Variants in LMTK2 observed in about 807,000 individuals in gnomAD.
The protein encoded by LMTK2 is serine/threonine-protein kinase LMTK2.
In LMTK2, 37 loss-of-function variants were observed where a neutral mutation model predicts 127.5. That is an observed-to-expected ratio of 0.29 (90% confidence interval 0.22 to 0.38). The LOEUF is 0.38. LMTK2 is among the 10% of genes least tolerant of loss of function. The probability of loss-of-function intolerance (pLI) is 1.00; values close to 1 mark genes in which losing one functional copy is unlikely to be tolerated. For missense variants in LMTK2, 1,694 were observed against 1,920.3 expected (o/e 0.88, Z 2.20); for synonymous variants, 819 against 810.1 (o/e 1.01, Z -0.19).
chr7:98,131,526 ATTAGAT>A (rs993669853), intron 1 of LMTK2, among the ~76,000 whole-genome samples: 5 of 151,782 alleles, frequency 3.3e-5, no homozygotes, highest in Admixed American at 3.3e-4. Context: ...TAGGTGGTTG[ATTAGAT>A]TCAGGTTTGA....
At chr7:98,151,256 A>C (rs1796849341) in intron 3 of LMTK2, 126 bp from the exon 4 acceptor site, 1 of 560,320 alleles carries the variant, frequency 1.8e-6, no homozygotes, top group Non-Finnish European at 3.0e-6. Flanking sequence ...CGTTTAAAAG[A>C]GGTGTTTTAT....
chr7:98,132,191 G>C (rs1357608336), intron 1 of LMTK2, among the ~76,000 whole-genome samples: 1 of 152,160 alleles, frequency 6.6e-6, no homozygotes, highest in East Asian at 1.9e-4. Context: ...AGCTCATGAT[G>C]ATACCACAAA....
intron 2 of LMTK2, 90 bp from the exon 3 acceptor site, chr7:98,141,307 T>C: frequency 8.0e-7 from 1 of 1,248,328 alleles, no homozygotes; most frequent in Non-Finnish European, 1.1e-6. Context: ...AAAAAATAAT[T>C]GTGGCAGCAA....
chr7:98,202,266 G>A (rs117053315), intron 11 of LMTK2, among the ~76,000 whole-genome samples: 1,839 of 152,222 alleles, frequency 0.012, 17 homozygotes, highest in Admixed American at 0.02. Context: ...TCTTTTCTGA[G>A]TTTTGCTTTT....
chr7:98,109,762 AAG>A (rs1206933273), intron 1 of LMTK2, among the ~76,000 whole-genome samples: 7 of 151,526 alleles, frequency 4.6e-5, no homozygotes, highest in Admixed American at 3.9e-4. Context: ...AAAAAAAAAA[AAG>A]AAAGGAAGAT....
At chr7:98,183,009 C>T (rs1023194837) in intron 7 of LMTK2, among the ~76,000 whole-genome samples, 10 of 152,148 alleles carry the variant, frequency 6.6e-5, no homozygotes, top group East Asian at 1.9e-4. Flanking sequence ...AGAGATCTTA[C>T]GACTTTTTGT....
At chr7:98,163,362 C>T (rs1384849570) in intron 6 of LMTK2, among the ~76,000 whole-genome samples, 1 of 152,116 alleles carries the variant, frequency 6.6e-6, no homozygotes, top group East Asian at 1.9e-4. Context: ...TCAGGTGCTA[C>T]CTATGTTCGG....
At position 98,207,614 on chromosome 7, in the gene LMTK2, C is replaced by G. The variant is rs1797827946; in HGVS notation, c.*2122C>G. On this transcript the variant is annotated 3_prime_UTR_variant, in exon 14 of 14. Coordinates refer to ENST00000297293, the MANE Select transcript of LMTK2 (RefSeq NM_014916.4). ...TCCTGAGTTTTCTCAGTTTTTACATCTAAGATTAGTCTTGGCTGAAGAGAA... is the reference window on the plus strand; with the variant it reads ...TCCTGAGTTTTCTCAGTTTTTACATGTAAGATTAGTCTTGGCTGAAGAGAA... 1 of 151,770 alleles carries G rather than the reference C, an allele frequency of 6.6e-6. No homozygotes were observed. The highest frequency in any genetic ancestry group is 2.4e-5 in the African/African-American group (1 of 41,288). 9.4% of individuals were successfully genotyped at this position (151,770 alleles called of 1,614,324 possible).
At chr7:98,183,617 T>C (rs1797386173) in intron 7 of LMTK2, among the ~76,000 whole-genome samples, 1 of 152,176 alleles carries the variant, frequency 6.6e-6, no homozygotes. Flanking sequence ...CTTGAACTTA[T>C]GACCTCATGT....
intron 1 of LMTK2, among the ~76,000 whole-genome samples, chr7:98,114,163 G>A (rs950238559): frequency 1.5e-4 from 23 of 151,930 alleles, no homozygotes; most frequent in Admixed American, 1.5e-3. Flanking sequence ...GGAGGGGGTG[G>A]TGGTGGTAAA....
At chr7:98,169,118 A>G (rs983267068) in intron 6 of LMTK2, among the ~76,000 whole-genome samples, 14 of 152,292 alleles carry the variant, frequency 9.2e-5, no homozygotes, top group South Asian at 4.1e-4. Context: ...GGAGAGCTCT[A>G]TGGACCTTTC....
In LMTK2 at chr7:98,106,863, T is replaced by C. The variant is rs1158914145; in HGVS notation, c.-315T>C. 1 of 432,612 alleles carries C rather than the reference T, an allele frequency of 2.3e-6. No individual in the cohort carries two copies. Among genetic ancestry groups the C allele is most frequent in the Non-Finnish European group, 4.1e-6 (1 of 244,636 alleles). 26.8% of individuals were successfully genotyped at this position (432,612 alleles called of 1,614,324 possible). On this transcript the variant is annotated 5_prime_UTR_variant, in exon 1 of 14. Transcript: ENST00000297293. ...CACGACATCCCGCCCCCGCGCTACG[T>C]CACATGACGCAGCCCATCATGGCGG...
intron 6 of LMTK2, among the ~76,000 whole-genome samples, chr7:98,160,460 CATCTT>C (rs1469349778): frequency 6.6e-6 from 1 of 152,214 alleles, no homozygotes; most frequent in Admixed American, 6.5e-5. Context: ...AGTTCTCACT[CATCTT>C]AGGTGTTGGC....
chr7:98,118,725 A>G (rs112777253), intron 1 of LMTK2, among the ~76,000 whole-genome samples: 36 of 152,248 alleles, frequency 2.4e-4, no homozygotes, highest in African/African-American at 8.7e-4. Flanking sequence ...GCAGCTGAAA[A>G]TGCTTCAGGA....
chr7:98,191,715 A>G lies in LMTK2; in HGVS notation c.1250A>G (p.Asp417Gly). ...LTYLRLQSQR[D>G]SEVDFEQQWN... is the part of the protein sequence containing the mutation. ...TACCTGCGGCTGCAGAGCCAGCGGG[A>G]CTCAGAGGTCGACTTTGAACAGCAG... The change falls in exon 11 of 14, where the codon GAC becomes GGC. Residue 417 changes from aspartate to glycine, a missense_variant. Physicochemically the swap from Asp to Gly is moderately conservative, Grantham distance 94. This residue lies in a region of LMTK2 where 216 missense variants were observed against 266.8 expected (regional missense o/e 0.81). Transcript: ENST00000297293. 1 of 1,614,168 alleles carries G rather than the reference A, an allele frequency of 6.2e-7. No homozygotes were observed. The highest frequency in any genetic ancestry group is 8.5e-7 in the Non-Finnish European group (1 of 1,180,024).
intron 3 of LMTK2, among the ~76,000 whole-genome samples, chr7:98,150,233 G>A (rs192400260): frequency 1.7e-4 from 26 of 151,710 alleles, no homozygotes; most frequent in African/African-American, 4.1e-4. Flanking sequence ...ACTTGAACCC[G>A]GGAGGCGTAG....
intron 1 of LMTK2, among the ~76,000 whole-genome samples, chr7:98,133,368 C>T (rs746878650): frequency 3.3e-5 from 5 of 151,974 alleles, no homozygotes; most frequent in South Asian, 2.1e-4. Flanking sequence ...AGTTTGACCA[C>T]GGCGGTATAG....
At chr7:98,122,792 TACA>T (rs1796384458) in intron 1 of LMTK2, among the ~76,000 whole-genome samples, 1 of 150,780 alleles carries the variant, frequency 6.6e-6, no homozygotes, top group South Asian at 2.1e-4. Context: ...GTGCTGGGCT[TACA>T]GGCTGAGCCA....
intron 1 of LMTK2, among the ~76,000 whole-genome samples, chr7:98,123,147 T>C (rs59583865): frequency 0.051 from 7,553 of 149,200 alleles, 568 homozygotes; most frequent in East Asian, 0.33. Flanking sequence ...TGCAGCTCTT[T>C]TAGCCACATT....
Sources: allele counts gnomAD v4.1 joint callset (sites outside exome capture counted in the v4.1 genomes callset), GRCh38; gene constraint gnomAD v4.1.1; regional missense constraint gnomAD v4.1.1; transcripts MANE v1.5; gene names NCBI Gene and HGNC (gene_info 2026-07-23, HGNC 2026-07-21).